The following ANAPC5 variants were observed in gnomAD, a reference collection of about 807,000 sequenced individuals.
ANAPC5 encodes anaphase-promoting complex subunit 5.
A neutral mutation model predicts 91.3 loss-of-function variants in ANAPC5; 60 were observed. The ratio of observed to expected loss-of-function variants is 0.66; its 90% CI spans 0.53 to 0.81. The LOEUF is 0.81. Ranked by LOEUF, ANAPC5 falls within the 40% of genes least tolerant of loss-of-function variation. The probability of loss-of-function intolerance (pLI) is 0.00; values close to 1 mark genes in which losing one functional copy is unlikely to be tolerated. For missense variants in ANAPC5, 690 were observed against 931.5 expected (o/e 0.74, Z 3.37); for synonymous variants, 340 against 364.1 (o/e 0.93, Z 0.75).
At chr12:121,348,977 A>G (rs1457739564) in intron 1 of ANAPC5, among the ~76,000 whole-genome samples, 1 of 152,198 alleles carries the variant, frequency 6.6e-6, no homozygotes, top group Non-Finnish European at 1.5e-5. Flanking sequence ...TAAAAAGACC[A>G]TTTGGGGCCT....
chr12:121,308,328 G>A lies in ANAPC5; in HGVS notation c.*152C>T, dbSNP rs1304894689. ...AAGAAAAGGGGAATAAAACAAATAC[G>A]TAGTTACTAGCAACAAAATAAGACA... On this transcript the variant is annotated 3_prime_UTR_variant, in exon 17 of 17. Transcript: ENST00000261819. 3.8e-5 allele frequency: 24 copies of A among 635,030 alleles called. No individual in the cohort carries two copies. Among genetic ancestry groups the A allele is most frequent in the Non-Finnish European group, 5.1e-5 (19 of 372,846 alleles). The allele number at this position is 635,030 out of a possible 1,614,324, so 39.3% of individuals were successfully genotyped here.
In ANAPC5 at chr12:121,335,694, A is replaced by G; in HGVS notation, c.789T>C (p.Arg263=). 6.2e-7 allele frequency: 1 copy of G among 1,608,614 alleles called. No homozygotes were observed. ...GTGTTGAACTGAAAACATCTTGGAC[A>G]CGGAGGTTGTTTAAGTAGCTGAGAT... The part of the protein sequence containing the change: ...AHYLSYLNNL[R]VQDVFSSTHS... Residue 263 remains arginine, a synonymous_variant, in exon 7 of 17, where the codon CGT becomes CGC. Transcript: ENST00000261819.
In ANAPC5 at chr12:121,318,411, C is replaced by G; in HGVS notation, c.1759G>C (p.Val587Leu). ...GAAGATCGCCAGTACAGCTCTGCCACGGACAGTAGGACACTGACCGTAAAG... is the reference window on the plus strand; with the variant it reads ...GAAGATCGCCAGTACAGCTCTGCCAGGGACAGTAGGACACTGACCGTAAAG... The part of the protein sequence containing the change: ...TEMVISVLLS[V>L]AELYWRSSSP... The change falls in exon 15 of 17, where the codon GTG becomes CTG. Residue 587 changes from valine to leucine, a missense_variant. By Grantham distance (32) the Val-to-Leu change is conservative. Around this residue, in one of 5 missense-constraint regions of ANAPC5, gnomAD observed 317 missense variants for 438.7 expected, o/e 0.72. Coordinates refer to ENST00000261819, the MANE Select transcript of ANAPC5 (RefSeq NM_016237.5). 6.2e-7 allele frequency: 1 copy of G among 1,610,890 alleles called. No homozygotes were observed. Among genetic ancestry groups the G allele is most frequent in the Non-Finnish European group, 8.5e-7 (1 of 1,178,402 alleles).
At position 121,345,944 on chromosome 12, in the gene ANAPC5, A is replaced by C. The variant is rs782590227; in HGVS notation, c.485T>G (p.Phe162Cys). The C allele has an allele frequency of 1.9e-6, 3 of 1,614,166 alleles. No individual in the cohort carries two copies. In the South Asian group the frequency reaches 3.3e-5, roughly 18 times the overall value. ...CACTGTCTTTTTCTCACCATTCTGG[A>C]AGTACTGCTGAAGGGCAGTGTACAG... is the stretch of plus-strand genomic sequence containing the variant. ...FKLYTALQQY[F>C]QNGEKKTVED... Residue 162 changes from phenylalanine to cysteine, a missense_variant, in exon 4 of 17, where the codon TTC becomes TGC. Coordinates refer to ENST00000261819, the MANE Select transcript of ANAPC5 (RefSeq NM_016237.5).
At chr12:121,341,949 G>C (rs1046436442) in intron 5 of ANAPC5, 54 bp downstream of exon 5, 1 of 1,384,948 alleles carries the variant, frequency 7.2e-7, no homozygotes, top group East Asian at 2.3e-5. Flanking sequence ...CACAGGACTA[G>C]ACACATCACA....
At chr12:121,347,262 TAA>T in intron 2 of ANAPC5, 1 of 441,642 alleles carries the variant, frequency 2.3e-6, no homozygotes, top group Non-Finnish European at 4.0e-6. Context: ...CTGCAATGAC[TAA>T]AAAGAGTAAG....
At chr12:121,335,401 C>T (rs1174462485) in intron 7 of ANAPC5, 132 bp downstream of exon 7, 14 of 973,616 alleles carry the variant, frequency 1.4e-5, no homozygotes, top group Non-Finnish European at 2.1e-5. Flanking sequence ...CCTGACCTCA[C>T]GTGATCCACC....
rs190585352 is a variant in ANAPC5, at chr12:121,339,914, T to C, written c.657+2089A>G. Among the ~76,000 whole-genome samples the C allele has an allele frequency of 5.6e-3, 824 of 146,406 alleles. 12 individuals are homozygous for C. Among genetic ancestry groups the C allele is most frequent in the South Asian group, 0.033 (145 of 4,430 alleles). ...TTTCCCAGATGGAGTGTCGTTCTTG[T>C]GGCCCAGGCTGGAGTGCAGTGGTGT... is the stretch of plus-strand genomic sequence containing the variant. On this transcript the variant is annotated intron_variant, in intron 5 of 16. Transcript: ENST00000261819.
At chr12:121,329,390 G>A (rs1230962245) in intron 9 of ANAPC5, among the ~76,000 whole-genome samples, 2 of 152,024 alleles carry the variant, frequency 1.3e-5, no homozygotes, top group African/African-American at 2.4e-5. Flanking sequence ...CTGACCTCAC[G>A]ATCCACCCGC....
chr12:121,350,210 A>T lies in ANAPC5; in HGVS notation c.207+1924T>A, dbSNP rs111640641. On this transcript the variant is annotated intron_variant, in intron 1 of 16. Coordinates refer to ENST00000261819, the MANE Select transcript of ANAPC5 (RefSeq NM_016237.5). ...CACAAATACAAGTGATAAATTTTTT[A>T]AAAAAGCCTTTATAAACTATACTAA... Among the ~76,000 whole-genome samples, 569 of 152,230 alleles carry T rather than the reference A, an allele frequency of 3.7e-3. 1 individual carries two copies. The highest frequency in any genetic ancestry group is 0.012 in the African/African-American group (492 of 41,512).
At chr12:121,319,125 A>G (rs2136765715) in intron 13 of ANAPC5, among the ~76,000 whole-genome samples, 1 of 152,184 alleles carries the variant, frequency 6.6e-6, no homozygotes, top group South Asian at 2.1e-4. Flanking sequence ...ACACACACAC[A>G]CACACACACA....
intron 1 of ANAPC5, among the ~76,000 whole-genome samples, chr12:121,351,861 G>A (rs1903904514): frequency 2.6e-5 from 4 of 151,764 alleles, no homozygotes; most frequent in Admixed American, 1.3e-4. Flanking sequence ...CCATTTTAAA[G>A]AAGATACAGG....
chr12:121,329,862 A>AC (rs1413811641), intron 9 of ANAPC5, among the ~76,000 whole-genome samples: 2 of 150,108 alleles, frequency 1.3e-5, no homozygotes, highest in East Asian at 4.0e-4. Context: ...TGATCCACCC[A>AC]CCCCGGCCTC....
chr12:121,338,277 T>C (rs1555273729), intron 5 of ANAPC5, among the ~76,000 whole-genome samples: 1 of 151,966 alleles, frequency 6.6e-6, no homozygotes, highest in African/African-American at 2.4e-5. Context: ...TCTAATTCCA[T>C]TGTTAATTTA....
At chr12:121,340,630 G>A (rs568073786) in intron 5 of ANAPC5, among the ~76,000 whole-genome samples, 10 of 150,444 alleles carry the variant, frequency 6.6e-5, no homozygotes, top group South Asian at 2.1e-4. Context: ...TCCGCTCACC[G>A]CAACCTCCAC....
At position 121,338,362 on chromosome 12, in the gene ANAPC5, G is replaced by A. The variant is rs530237711; in HGVS notation, c.658-970C>T. On this transcript the variant is annotated intron_variant, in intron 5 of 16. Coordinates refer to ENST00000261819, the MANE Select transcript of ANAPC5 (RefSeq NM_016237.5). ...CCCAGCACTTTGGGAGGCCGAGGAG[G>A]GCAGATCATGAGGTCAGGAGTTGGA... Among the ~76,000 whole-genome samples the A allele has an allele frequency of 4.0e-3, 601 of 152,116 alleles. 2 individuals are homozygous for A. The highest frequency in any genetic ancestry group is 0.013 in the African/African-American group (559 of 41,448).
At chr12:121,332,429 T>C (rs1487037756) in intron 7 of ANAPC5, 22 of 152,254 alleles carry the variant, frequency 1.4e-4, no homozygotes, top group Non-Finnish European at 5.9e-5. Flanking sequence ...CCTGTATATG[T>C]ATCTGGAGTA....
Position 121,319,705 on chromosome 12 carries a change from A to T in ANAPC5, c.1629T>A (p.Gly543=), listed in dbSNP as rs760768723. The T allele has an allele frequency of 6.2e-7, 1 of 1,605,826 alleles. No homozygotes were observed. Among genetic ancestry groups the T allele is most frequent in the Admixed American group, 1.7e-5 (1 of 58,296 alleles). Residue 543 remains glycine, a synonymous_variant, in exon 13 of 17, where the codon GGT becomes GGA. Coordinates refer to ENST00000261819, the MANE Select transcript of ANAPC5 (RefSeq NM_016237.5). ...TGITALNSIE[G]VYRKAVVLQA... ...TTTTCAAGGTTTCTTACCTATAAAC[A>T]CCCTCTATGCTATTGAGAGCTGTGA...
At chr12:121,308,744 G>A in intron 16 of ANAPC5, 53 bp from the exon 17 acceptor site, 4 of 1,416,674 alleles carry the variant, frequency 2.8e-6, no homozygotes, top group Non-Finnish European at 4.0e-6. Context: ...TTCACGTATA[G>A]TTTTCAAAAC....
Sources: allele counts gnomAD v4.1 joint callset (sites outside exome capture counted in the v4.1 genomes callset), GRCh38; gene constraint gnomAD v4.1.1; regional missense constraint gnomAD v4.1.1; transcripts MANE v1.5; gene names NCBI Gene and HGNC (gene_info 2026-07-23, HGNC 2026-07-21).